The following CLNK variants were observed in gnomAD, a reference collection of about 807,000 sequenced individuals.
CLNK encodes the protein cytokine-dependent hematopoietic cell linker.
Under a neutral mutation model 68.6 loss-of-function variants are expected in CLNK, and 74 were observed. That is an observed-to-expected ratio of 1.08 (90% CI 0.89 to 1.31). The LOEUF (loss-of-function observed/expected upper bound fraction) is 1.31, where lower values mean the gene tolerates loss of function less well. Ranked by LOEUF, CLNK falls within the 50% of genes most tolerant of loss-of-function variation. The pLI, the probability that CLNK is intolerant of heterozygous loss-of-function variation, is 0.00. For missense variants in CLNK, 553 were observed against 515.3 expected (o/e 1.07, Z -0.71); for synonymous variants, 198 against 172.2 (o/e 1.15, Z -1.17).
chr4:10,561,036 A>G (rs1412791701), intron 7 of CLNK, among the ~76,000 whole-genome samples: 1 of 151,974 alleles, frequency 6.6e-6, no homozygotes, highest in Non-Finnish European at 1.5e-5. Context: ...AGCTGGGACT[A>G]CAGGCATGCT....
At chr4:10,731,603 C>T in the CLNK span, among the ~76,000 whole-genome samples, 1 of 152,196 alleles carries the variant, frequency 6.6e-6, no homozygotes, top group African/African-American at 2.4e-5. Context: ...GATTTCCACT[C>T]ATGTTGAATG....
chr4:10,686,145 C>T (rs972916589), upstream of CLNK, among the ~76,000 whole-genome samples: 3 of 152,136 alleles, frequency 2.0e-5, no homozygotes, highest in African/African-American at 7.2e-5. Context: ...CCTTTATCCC[C>T]GGCTTGTGGG....
intron 2 of CLNK, among the ~76,000 whole-genome samples, chr4:10,663,109 T>C (rs781329203): frequency 6.6e-5 from 10 of 152,324 alleles, no homozygotes; most frequent in Non-Finnish European, 1.5e-4. Flanking sequence ...AAGGTTCTTA[T>C]CAGTCCTGTC....
chr4:10,677,662 C>G (rs1487306899), intron 1 of CLNK, among the ~76,000 whole-genome samples: 1 of 151,994 alleles, frequency 6.6e-6, no homozygotes, highest in African/African-American at 2.4e-5. Context: ...TCACTCTTCT[C>G]TCTCCTGCTG....
intron 1 of CLNK, among the ~76,000 whole-genome samples, chr4:10,670,311 A>G (rs1042512771): frequency 1.1e-4 from 16 of 152,240 alleles, no homozygotes; most frequent in Admixed American, 9.2e-4. Flanking sequence ...TTACAGTCAT[A>G]CAGGACAAAT....
chr4:10,625,881 T>C (rs192424224), intron 2 of CLNK, among the ~76,000 whole-genome samples: 1 of 152,372 alleles, frequency 6.6e-6, no homozygotes, highest in African/African-American at 2.4e-5. Context: ...GGTTCTCATA[T>C]GGGGAAGGAA....
At chr4:10,580,024 G>C (rs1720717984) in intron 4 of CLNK, among the ~76,000 whole-genome samples, 1 of 152,146 alleles carries the variant, frequency 6.6e-6, no homozygotes, top group Non-Finnish European at 1.5e-5. Flanking sequence ...CTCTGTATGG[G>C]GGAGCTGTTT....
the CLNK span, among the ~76,000 whole-genome samples, chr4:10,702,640 C>T: frequency 8.5e-5 from 13 of 152,142 alleles, no homozygotes; most frequent in East Asian, 9.6e-4. Flanking sequence ...AGGAGGTAGT[C>T]GCGCAGTCCA....
intron 2 of CLNK, among the ~76,000 whole-genome samples, chr4:10,654,506 T>G (rs923836134): frequency 4.0e-5 from 6 of 150,220 alleles, no homozygotes; most frequent in Admixed American, 6.6e-5. Flanking sequence ...AGCATTTACC[T>G]CAAGATTTAG....
chr4:10,493,006 C>G (rs756586999), intron 18 of CLNK, among the ~76,000 whole-genome samples: 1 of 152,188 alleles, frequency 6.6e-6, no homozygotes, highest in Non-Finnish European at 1.5e-5. Flanking sequence ...GTCAGTCTGA[C>G]TTAGTGTGTT....
chr4:10,536,067 CA>C (rs1560206077), intron 11 of CLNK, among the ~76,000 whole-genome samples: 1 of 152,170 alleles, frequency 6.6e-6, no homozygotes, highest in Non-Finnish European at 1.5e-5. Context: ...AAGAGAATAG[CA>C]GAGCTGGCAG....
the CLNK span, among the ~76,000 whole-genome samples, chr4:10,728,981 C>T: frequency 6.6e-6 from 1 of 152,274 alleles, no homozygotes; most frequent in East Asian, 1.9e-4. Context: ...TCACTTTATA[C>T]AGCAATTAAT....
At chr4:10,664,652 T>C (rs748626748) in intron 2 of CLNK, among the ~76,000 whole-genome samples, 2 of 152,220 alleles carry the variant, frequency 1.3e-5, no homozygotes, top group African/African-American at 2.4e-5. Flanking sequence ...GGATTCCGAC[T>C]CAGCATGCCT....
intron 2 of CLNK, among the ~76,000 whole-genome samples, chr4:10,627,064 A>G (rs1722702300): frequency 6.6e-6 from 1 of 152,218 alleles, no homozygotes; most frequent in African/African-American, 2.4e-5. Context: ...TGTCCAGGGC[A>G]GCTTTCCCTT....
upstream of CLNK, among the ~76,000 whole-genome samples, chr4:10,687,648 A>G (rs369218971): frequency 1.3e-5 from 2 of 152,198 alleles, no homozygotes; most frequent in African/African-American, 4.8e-5. Context: ...AGAGGAGCCT[A>G]TACAGCGAAA....
At chr4:10,522,901 G>A (rs1224424509) in intron 14 of CLNK, among the ~76,000 whole-genome samples, 2 of 152,202 alleles carry the variant, frequency 1.3e-5, no homozygotes, top group Non-Finnish European at 2.9e-5. Flanking sequence ...GCATGAATAG[G>A]AGTAAGGGTG....
upstream of CLNK, among the ~76,000 whole-genome samples, chr4:10,689,266 T>C (rs1367728538): frequency 6.6e-6 from 1 of 151,898 alleles, no homozygotes; most frequent in Non-Finnish European, 1.5e-5. Flanking sequence ...TCCTGAGTAG[T>C]TGGGACTGCA....
At chr4:10,610,580 C>T (rs933155591) in intron 2 of CLNK, among the ~76,000 whole-genome samples, 1 of 152,002 alleles carries the variant, frequency 6.6e-6, no homozygotes, top group Non-Finnish European at 1.5e-5. Context: ...ATGCTTTCTC[C>T]TTTTTTTCTC....
upstream of CLNK, among the ~76,000 whole-genome samples, chr4:10,689,144 T>A (rs1011965931): frequency 6.6e-6 from 1 of 152,052 alleles, no homozygotes. Context: ...TTTCTTTTTT[T>A]TTTTCGGGGG....
Sources: allele counts gnomAD v4.1 joint callset (sites outside exome capture counted in the v4.1 genomes callset), GRCh38; gene constraint gnomAD v4.1.1; transcripts MANE v1.5; gene names NCBI Gene and HGNC (gene_info 2026-07-23, HGNC 2026-07-21).